Variants in PARP14 observed in about 807,000 individuals in gnomAD.
PARP14 encodes the protein protein mono-ADP-ribosyltransferase PARP14.
In PARP14, 59 loss-of-function variants were observed where a neutral mutation model predicts 154.2. The ratio of observed to expected loss-of-function variants is 0.38; its 90% CI spans 0.31 to 0.48. The LOEUF (loss-of-function observed/expected upper bound fraction) is 0.48, where lower values mean the gene tolerates loss of function less well. Among genes scored for constraint, PARP14 ranks in the 20% least tolerant of loss-of-function variants. The pLI is 0.98. For missense variants in PARP14, 1,734 were observed against 2,131.6 expected (o/e 0.81, Z 3.67); for synonymous variants, 720 against 780.5 (o/e 0.92, Z 1.29).
At position 122,718,067 on chromosome 3, in the gene PARP14, C is replaced by CCAGGAAAT; in HGVS notation, c.4001-3_4005dup. 1 of 1,612,702 alleles carries CCAGGAAAT rather than the reference C, an allele frequency of 6.2e-7. No homozygotes were observed. Among genetic ancestry groups the CCAGGAAAT allele is most frequent in the Non-Finnish European group, 8.5e-7 (1 of 1,179,032 alleles). On this transcript the variant is annotated splice_region_variant and splice_polypyrimidine_tract_variant and intron_variant, in intron 12 of 16. Coordinates refer to ENST00000474629, the MANE Select transcript of PARP14 (RefSeq NM_017554.3). ...TTCAGCAATTTTATTATTTGCTTTTCCAGGAAATGCCAAACAACACCCAGA... is the reference window on the plus strand; with the variant it reads ...TTCAGCAATTTTATTATTTGCTTTTCCAGGAAATCAGGAAATGCCAAACAACACCCAGA...
intron 9 of PARP14, among the ~76,000 whole-genome samples, chr3:122,708,554 C>A (rs1198095021): frequency 6.6e-6 from 1 of 152,168 alleles, no homozygotes; most frequent in Non-Finnish European, 1.5e-5. Context: ...CCAAAATAGA[C>A]AAATTTGAGA....
Position 122,700,165 on chromosome 3 carries a change from G to A in PARP14, c.1611G>A (p.Gln537=). ...KVYTMAQKNI[Q]VSPEIFQFLQ... ...ACACCATGGCTCAGAAAAACATTCA[G>A]GTTTCTCCTGAGATTTTTCAGTTTT... Residue 537 remains glutamine, a synonymous_variant, in exon 6 of 17, where the codon CAG becomes CAA. Transcript: ENST00000474629. The A allele has an allele frequency of 6.2e-7, 1 of 1,613,098 alleles. No homozygotes were observed. Among genetic ancestry groups the A allele is most frequent in the Non-Finnish European group, 8.5e-7 (1 of 1,179,428 alleles).
At chr3:122,694,349 T>G (rs1341008530) in intron 4 of PARP14, among the ~76,000 whole-genome samples, 1 of 152,200 alleles carries the variant, frequency 6.6e-6, no homozygotes, top group African/African-American at 2.4e-5. Context: ...CCACTTACTC[T>G]GGGAACCATT....
chr3:122,700,298 T>C lies in PARP14; in HGVS notation c.1744T>C (p.Ser582Pro), dbSNP rs1938919947. 1 of 1,613,396 alleles carries C rather than the reference T, an allele frequency of 6.2e-7. No individual in the cohort carries two copies. The highest frequency in any genetic ancestry group is 8.5e-7 in the Non-Finnish European group (1 of 1,179,670). ...AACTGTTCTCTTAACCAGCTGTTCT[T>C]CTGAAGCCCTGTTAGAAGCAGAAAA... is the stretch of plus-strand genomic sequence containing the variant. ...GTTVLLTSCSSEALLEAEKQM... is the reference protein window; with the variant it reads ...GTTVLLTSCSPEALLEAEKQM... The change falls in exon 6 of 17, where the codon TCT becomes CCT. Residue 582 changes from serine (S) to proline (P), a missense_variant. This residue lies in a region of PARP14 where 1,646 missense variants were observed against 1,976.0 expected (regional missense o/e 0.83). Transcript: ENST00000474629.
chr3:122,706,679 C>G (rs1939163079), intron 8 of PARP14, among the ~76,000 whole-genome samples: 1 of 152,164 alleles, frequency 6.6e-6, no homozygotes, highest in Non-Finnish European at 1.5e-5. Context: ...GATCTTTGCT[C>G]TACCCTCTCT....
At chr3:122,705,709 A>T (rs1312494626) in intron 8 of PARP14, among the ~76,000 whole-genome samples, 3 of 152,236 alleles carry the variant, frequency 2.0e-5, no homozygotes, top group African/African-American at 7.2e-5. Flanking sequence ...AACCCAAGAG[A>T]TACCTGTGGA....
In PARP14 at chr3:122,703,732, T is replaced by G. The variant is rs1270605551; in HGVS notation, c.3082-10T>G. 1 of 1,547,222 alleles carries G rather than the reference T, an allele frequency of 6.5e-7. No homozygotes were observed. The highest frequency in any genetic ancestry group is 8.7e-7 in the Non-Finnish European group (1 of 1,143,414). The stretch of plus-strand genomic sequence containing the variant: ...AAAATTTGAAACAAATTTTTGGTTT[T>G]GTCTTTAAGACCGATGTTGTTGTCA... On this transcript the variant is annotated splice_polypyrimidine_tract_variant and intron_variant, in intron 6 of 16. Transcript: ENST00000474629.
At chr3:122,727,383 T>G (rs1457933764) in intron 15 of PARP14, among the ~76,000 whole-genome samples, 1 of 152,272 alleles carries the variant, frequency 6.6e-6, no homozygotes. Flanking sequence ...GCCTAGATAT[T>G]CTGTTGCTTC....
chr3:122,727,630 A>C (rs1220884461), intron 15 of PARP14, among the ~76,000 whole-genome samples, 182 bp from the exon 16 acceptor site: 1 of 152,210 alleles, frequency 6.6e-6, no homozygotes, highest in Non-Finnish European at 1.5e-5. Flanking sequence ...CATTCTTCCC[A>C]TTGCCTGTTT....
chr3:122,699,541 C>T lies in PARP14; in HGVS notation c.987C>T (p.Pro329=), dbSNP rs920386440. The T allele has an allele frequency of 1.9e-6, 3 of 1,613,802 alleles. No homozygotes were observed. The Admixed American group carries it at 5.0e-5, about 27-fold the overall frequency. ...CATTTGAAGAGTCACTAGATCTTCC[C>T]TTATGGAAGTTCTTACAGAAAAAGA... is the stretch of plus-strand genomic sequence containing the variant. ...PAPFEESLDL[P]LWKFLQKKNH... The change falls in exon 6 of 17, where the codon CCC becomes CCT. Residue 329 remains proline (P), a synonymous_variant. Coordinates refer to ENST00000474629, the MANE Select transcript of PARP14 (RefSeq NM_017554.3).
chr3:122,713,600 A>G (rs769657787), intron 10 of PARP14, 27 bp downstream of exon 10: 17 of 1,601,772 alleles, frequency 1.1e-5, no homozygotes, highest in Non-Finnish European at 1.4e-5. Context: ...GATGAGTGCA[A>G]TAGTTAATGG....
chr3:122,720,182 A>T, intron 14 of PARP14, 73 bp from the exon 15 acceptor site: 1 of 1,446,346 alleles, frequency 6.9e-7, no homozygotes, highest in South Asian at 1.2e-5. Context: ...ATAGTAAAAC[A>T]AGAACACAGA....
chr3:122,684,488 G>C (rs1261935229), intron 1 of PARP14, among the ~76,000 whole-genome samples: 3 of 152,174 alleles, frequency 2.0e-5, no homozygotes, highest in Admixed American at 6.5e-5. Flanking sequence ...AGAAGTTAAG[G>C]TATTCACTCA....
At chr3:122,715,595 CATCTATCTATCTATCTATCTATCT>C (rs56863397) in intron 12 of PARP14, among the ~76,000 whole-genome samples, 9,510 of 142,550 alleles carry the variant, frequency 0.067, 383 homozygotes, top group Non-Finnish European at 0.099. Context: ...CTCTACCAGT[CATCTATCTATCTATCTATCTATCT>C]ATCTATCTAT....
chr3:122,691,824 A>G (rs1036025358), intron 3 of PARP14, among the ~76,000 whole-genome samples: 5 of 152,244 alleles, frequency 3.3e-5, no homozygotes, highest in South Asian at 2.1e-4. Context: ...AGAAAAGGGT[A>G]TAATAAAATT....
chr3:122,693,842 G>A (rs1415143012), intron 4 of PARP14, among the ~76,000 whole-genome samples: 11 of 135,686 alleles, frequency 8.1e-5, no homozygotes, highest in African/African-American at 1.3e-4. Context: ...CCCCGTGTCT[G>A]AAAAAAAAAA....
intron 3 of PARP14, among the ~76,000 whole-genome samples, chr3:122,688,480 C>T (rs991268728): frequency 2.0e-5 from 3 of 152,144 alleles, no homozygotes; most frequent in African/African-American, 4.8e-5. Flanking sequence ...CATTTTCTAA[C>T]CTGTTTTTAC....
chr3:122,706,606 C>A (rs940482790), intron 8 of PARP14, among the ~76,000 whole-genome samples: 3 of 152,136 alleles, frequency 2.0e-5, no homozygotes, highest in Non-Finnish European at 4.4e-5. Flanking sequence ...TCTCCATAGT[C>A]AAATCAGACC....
intron 3 of PARP14, among the ~76,000 whole-genome samples, chr3:122,689,106 C>G (rs1938463599): frequency 6.6e-6 from 1 of 152,172 alleles, no homozygotes; most frequent in Non-Finnish European, 1.5e-5. Flanking sequence ...CCAGCCTGGA[C>G]TCCTCTCTCA....
Sources: allele counts gnomAD v4.1 joint callset (sites outside exome capture counted in the v4.1 genomes callset), GRCh38; gene constraint gnomAD v4.1.1; regional missense constraint gnomAD v4.1.1; transcripts MANE v1.5; gene names NCBI Gene and HGNC (gene_info 2026-07-23, HGNC 2026-07-21).